The following COL12A1 variants were observed in gnomAD, a reference collection of about 807,000 sequenced individuals.
COL12A1 encodes the protein collagen type XII alpha 1 chain, also known as collagen alpha-1(XII) chain.
Under a neutral mutation model 349.7 loss-of-function variants are expected in COL12A1, and 114 were observed. That is an observed-to-expected ratio of 0.33 (90% CI 0.28 to 0.38). The LOEUF (loss-of-function observed/expected upper bound fraction) is 0.38. COL12A1 is among the 10% of genes least tolerant of loss of function. The pLI is 1.00. For missense variants in COL12A1, 3,284 were observed against 3,756.9 expected (o/e 0.87, Z 3.29); for synonymous variants, 1,369 against 1,329.0 (o/e 1.03, Z -0.66).
chr6:75,171,630 A>G (rs2149446765), intron 13 of COL12A1, among the ~76,000 whole-genome samples: 1 of 152,028 alleles, frequency 6.6e-6, no homozygotes, highest in East Asian at 1.9e-4. Context: ...TGCTCTTACC[A>G]CCTCCTCTCC....
At chr6:75,156,957 A>C (rs1767799776) in intron 14 of COL12A1, among the ~76,000 whole-genome samples, 1 of 152,186 alleles carries the variant, frequency 6.6e-6, no homozygotes, top group Non-Finnish European at 1.5e-5. Context: ...ATCCATAAAT[A>C]ACTAGCCAGA....
chr6:75,164,363 TCTC>T (rs1768174991), intron 14 of COL12A1, among the ~76,000 whole-genome samples: 1 of 152,160 alleles, frequency 6.6e-6, no homozygotes, highest in African/African-American at 2.4e-5. Flanking sequence ...TCATGGCACT[TCTC>T]CCTCTCTCTT....
At chr6:75,146,787 C>G (rs779723904) in intron 23 of COL12A1, among the ~76,000 whole-genome samples, 1 of 152,022 alleles carries the variant, frequency 6.6e-6, no homozygotes. Context: ...ATTTTTTGTT[C>G]AAAGATTGAG....
At chr6:75,182,399 G>A (rs991824795) in intron 10 of COL12A1, among the ~76,000 whole-genome samples, 3 of 146,308 alleles carry the variant, frequency 2.1e-5, no homozygotes, top group East Asian at 2.2e-4. Flanking sequence ...GTGTGATGCC[G>A]CCACCCCTGT....
intron 37 of COL12A1, among the ~76,000 whole-genome samples, chr6:75,129,516 G>T (rs1766194587): frequency 6.6e-6 from 1 of 152,146 alleles, no homozygotes; most frequent in Admixed American, 6.5e-5. Context: ...CATAGTGAGG[G>T]CTATGAGGAA....
In COL12A1 at chr6:75,183,114, A is replaced by C. The variant is rs563760017; in HGVS notation, c.1827T>G (p.Ser609=). 2 of 1,614,170 alleles carry C rather than the reference A, an allele frequency of 1.2e-6. No homozygotes were observed. Among genetic ancestry groups the C allele is most frequent in the African/African-American group, 1.3e-5 (1 of 75,070 alleles). ...GGCAGATAGACTGTGTGAGTTCAAAAGATATCCTCTGAAAAGCATCAAAAT... is the reference window on the plus strand; with the variant it reads ...GGCAGATAGACTGTGTGAGTTCAAACGATATCCTCTGAAAAGCATCAAAAT... The part of the protein sequence containing the change: ...VEDFDAFQRI[S]FELTQSICLR... The change falls in exon 10 of 66, where the codon TCT becomes TCG. Residue 609 remains serine (S), a synonymous_variant. Coordinates refer to ENST00000322507, the MANE Select transcript of COL12A1 (RefSeq NM_004370.6).
At chr6:75,142,744 G>C (rs1359473404) in intron 26 of COL12A1, among the ~76,000 whole-genome samples, 1 of 152,096 alleles carries the variant, frequency 6.6e-6, no homozygotes, top group East Asian at 1.9e-4. Context: ...CTTCTAATTT[G>C]CTCTAACTTT....
chr6:75,128,233 A>C, intron 38 of COL12A1, 63 bp downstream of exon 38: 1 of 1,424,360 alleles, frequency 7.0e-7, no homozygotes, highest in Non-Finnish European at 9.2e-7. Flanking sequence ...AAAGGTATAA[A>C]AGCAACATTA....
intron 35 of COL12A1, among the ~76,000 whole-genome samples, chr6:75,131,356 C>A (rs992828602): frequency 5.3e-5 from 8 of 152,138 alleles, no homozygotes; most frequent in Non-Finnish European, 1.0e-4. Context: ...AATAGAGACT[C>A]CATACAATAC....
intron 65 of COL12A1, among the ~76,000 whole-genome samples, 180 bp from the exon 66 acceptor site, chr6:75,086,737 A>G (rs1767512222): frequency 6.6e-6 from 1 of 151,258 alleles, no homozygotes; most frequent in Non-Finnish European, 1.5e-5. Context: ...ATAAAGAATT[A>G]AATTGCAATT....
intron 37 of COL12A1, 87 bp downstream of exon 37, chr6:75,130,004 C>T: frequency 1.4e-6 from 2 of 1,468,530 alleles, no homozygotes; most frequent in Non-Finnish European, 1.9e-6. Context: ...CTCAACCGTA[C>T]TCACAGCATA....
rs991406918 is a variant in COL12A1 at position 75,142,069 on chromosome 6, C to G, written c.4920G>C (p.Glu1640Asp). 1 of 1,613,990 alleles carries G rather than the reference C, an allele frequency of 6.2e-7. No homozygotes were observed. The highest frequency in any genetic ancestry group is 1.7e-5 in the Admixed American group (1 of 60,002). The change falls in exon 27 of 66, where the codon GAG becomes GAC. Residue 1640 changes from glutamate to aspartate, a missense_variant. Glu to Asp is a conservative substitution (Grantham distance 45). This residue lies in a region of COL12A1 where 2,601 missense variants were observed against 2,824.8 expected (regional missense o/e 0.92). Coordinates refer to ENST00000322507, the MANE Select transcript of COL12A1 (RefSeq NM_004370.6). ...YTVSVSAVHD[E>D]GESPPVTAQE... ...GAGCAGTCACTGGAGGAGACTCCCC[C>G]TCGTCATGTACTGCAGAAACGCTGA...
rs926236846 is a variant in COL12A1 at position 75,194,777 on chromosome 6, T to C, written c.190+54A>G. On this transcript the variant is annotated intron_variant, in intron 3 of 65. Transcript: ENST00000322507. Reference sequence around the variant, plus strand: ...GATGAAAGGGGAGAAGAGGTGGAGATTGAGTTATATCATCATGATGCTTCT... The same window carrying C: ...GATGAAAGGGGAGAAGAGGTGGAGACTGAGTTATATCATCATGATGCTTCT... 2.8e-5 allele frequency: 31 copies of C among 1,127,136 alleles called. No homozygotes were observed. The African/African-American group carries it at 4.4e-4, about 16-fold the overall frequency. 69.8% of individuals were successfully genotyped at this position (1,127,136 alleles called of 1,614,324 possible).
At position 75,184,071 on chromosome 6, in the gene COL12A1, A is replaced by G; in HGVS notation, c.1071T>C (p.Ser357=). ...SKYVKLNWNP[S]PSPVTGYKVI... ...CTTTGTAGCCAGTCACTGGACTAGG[A>G]GATGGATTCCAATTTAGCTTAACAT... is the stretch of plus-strand genomic sequence containing the variant. Residue 357 remains serine (S), a synonymous_variant, in exon 9 of 66, where the codon TCT becomes TCC. Transcript: ENST00000322507. The G allele has an allele frequency of 6.2e-7, 1 of 1,614,168 alleles. No homozygotes were observed. Among genetic ancestry groups the G allele is most frequent in the Non-Finnish European group, 8.5e-7 (1 of 1,180,020 alleles).
At chr6:75,128,270 T>C (rs2149379827) in intron 38 of COL12A1, 26 bp downstream of exon 38, 1 of 1,538,930 alleles carries the variant, frequency 6.5e-7, no homozygotes, top group South Asian at 1.3e-5. Context: ...AAAGCAAAAA[T>C]AAAAGGGGGA....
At chr6:75,204,223 G>A (rs1201319970) in intron 1 of COL12A1, among the ~76,000 whole-genome samples, 28 of 152,160 alleles carry the variant, frequency 1.8e-4, no homozygotes. Context: ...AGCAAGAGGT[G>A]AGACTGGCCC....
At position 75,098,403 on chromosome 6, in the gene COL12A1, C is replaced by T. The variant is rs183844538; in HGVS notation, c.8524-1097G>A. ...ATGCAATGGCTCATGCCTGCAATCCCAGCACTTTGGGAGGCCAAGGCAGGA... is the reference window on the plus strand; with the variant it reads ...ATGCAATGGCTCATGCCTGCAATCCTAGCACTTTGGGAGGCCAAGGCAGGA... On this transcript the variant is annotated intron_variant, in intron 58 of 65. Coordinates refer to ENST00000322507, the MANE Select transcript of COL12A1 (RefSeq NM_004370.6). Among the ~76,000 whole-genome samples the T allele has an allele frequency of 1.1e-3, 169 of 152,272 alleles. 1 individual carries two copies. Among genetic ancestry groups the T allele is most frequent in the African/African-American group, 3.1e-3 (127 of 41,532 alleles).
intron 13 of COL12A1, among the ~76,000 whole-genome samples, chr6:75,168,023 C>T (rs2149442079): frequency 6.6e-6 from 1 of 152,204 alleles, no homozygotes; most frequent in South Asian, 2.1e-4. Flanking sequence ...GTAGTTCTGC[C>T]TGTGGTATGT....
At chr6:75,175,695 G>C (rs979656510) in intron 12 of COL12A1, among the ~76,000 whole-genome samples, 1 of 152,162 alleles carries the variant, frequency 6.6e-6, no homozygotes, top group African/African-American at 2.4e-5. Flanking sequence ...GAAATCTTCA[G>C]TAAAAACAGT....
Sources: allele counts gnomAD v4.1 joint callset (sites outside exome capture counted in the v4.1 genomes callset), GRCh38; gene constraint gnomAD v4.1.1; regional missense constraint gnomAD v4.1.1; transcripts MANE v1.5; gene names NCBI Gene and HGNC (gene_info 2026-07-23, HGNC 2026-07-21).